Variants in ANKS1B observed in about 807,000 individuals in gnomAD.
ANKS1B encodes ankyrin repeat and sterile alpha motif domain containing 1B.
A neutral mutation model predicts 148.3 loss-of-function variants in ANKS1B; 36 were observed. The ratio of observed to expected loss-of-function variants is 0.24; its 90% CI spans 0.19 to 0.32. The LOEUF (loss-of-function observed/expected upper bound fraction) is 0.32. ANKS1B is among the 10% of genes least tolerant of loss of function. The pLI is 1.00. For synonymous variants in ANKS1B, 542 were observed against 560.8 expected (o/e 0.97, Z 0.47); for missense variants, 1,157 against 1,542.6 (o/e 0.75, Z 4.19).
intron 11 of ANKS1B, among the ~76,000 whole-genome samples, chr12:99,441,156 G>T (rs10459161): frequency 0.23 from 34,773 of 151,732 alleles, 4,706 homozygotes; most frequent in African/African-American, 0.37. Context: ...CATTTTCAGA[G>T]AGAAAACCAG....
chr12:99,403,295 T>G (rs2094455708), intron 11 of ANKS1B, among the ~76,000 whole-genome samples: 1 of 141,690 alleles, frequency 7.1e-6, no homozygotes, highest in Non-Finnish European at 1.5e-5. Flanking sequence ...TAGCTGGGAT[T>G]ACAGGCAAGC....
chr12:99,862,873 A>G (rs1284322779), intron 1 of ANKS1B, among the ~76,000 whole-genome samples: 1 of 152,220 alleles, frequency 6.6e-6, no homozygotes, highest in Non-Finnish European at 1.5e-5. Flanking sequence ...GGAAGCTGAC[A>G]TGGAGAAGGA....
intron 9 of ANKS1B, among the ~76,000 whole-genome samples, chr12:99,643,328 G>T (rs1344511145): frequency 2.0e-5 from 3 of 152,044 alleles, no homozygotes; most frequent in African/African-American, 7.2e-5. Flanking sequence ...TGTGAAACTG[G>T]AATAAAAAGT....
intron 17 of ANKS1B, among the ~76,000 whole-genome samples, chr12:98,857,746 T>C (rs649205): frequency 0.23 from 35,152 of 151,970 alleles, 4,589 homozygotes; most frequent in East Asian, 0.5. Context: ...GGTCAGTAAA[T>C]ATAATATTTC....
intron 17 of ANKS1B, among the ~76,000 whole-genome samples, chr12:98,849,553 T>G (rs2099510110): frequency 6.6e-6 from 1 of 152,188 alleles, no homozygotes; most frequent in African/African-American, 2.4e-5. Context: ...GTTTTTTGTT[T>G]CCTAAAAAAA....
At chr12:98,752,952 G>A (rs1290428305) in intron 25 of ANKS1B, among the ~76,000 whole-genome samples, 1 of 152,148 alleles carries the variant, frequency 6.6e-6, no homozygotes, top group Non-Finnish European at 1.5e-5. Flanking sequence ...AGAGGCATTA[G>A]TCATGCTGGT....
intron 8 of ANKS1B, among the ~76,000 whole-genome samples, chr12:99,677,383 CA>C (rs1425562444): frequency 6.6e-6 from 1 of 151,860 alleles, no homozygotes; most frequent in Non-Finnish European, 1.5e-5. Flanking sequence ...AAGAAAGTAG[CA>C]AATAATATAG....
chr12:99,039,594 T>C (rs1309566358), intron 17 of ANKS1B, among the ~76,000 whole-genome samples: 1 of 152,258 alleles, frequency 6.6e-6, no homozygotes, highest in Non-Finnish European at 1.5e-5. Context: ...CATCTGACTC[T>C]GAGTCCAGCC....
intron 17 of ANKS1B, among the ~76,000 whole-genome samples, chr12:98,988,284 G>A (rs1197337943): frequency 1.3e-5 from 2 of 151,990 alleles, no homozygotes; most frequent in African/African-American, 4.8e-5. Context: ...TTATCCCCTA[G>A]TAATCACCAT....
intron 19 of ANKS1B, among the ~76,000 whole-genome samples, chr12:98,828,161 A>G (rs757694033): frequency 7.2e-5 from 11 of 152,208 alleles, no homozygotes; most frequent in Non-Finnish European, 1.3e-4. Context: ...AAATTAAAGG[A>G]GCTGAAAGAA....
At chr12:99,801,007 G>A (rs539804219) in intron 4 of ANKS1B, among the ~76,000 whole-genome samples, 4 of 152,140 alleles carry the variant, frequency 2.6e-5, no homozygotes, top group African/African-American at 9.7e-5. Context: ...ATAGGGACAC[G>A]ATAGATTACA....
chr12:99,176,281 T>C (rs2078370998), intron 14 of ANKS1B, among the ~76,000 whole-genome samples: 1 of 152,170 alleles, frequency 6.6e-6, no homozygotes, highest in South Asian at 2.1e-4. Flanking sequence ...TTTGCCTCAT[T>C]TACAATGTTT....
Position 99,595,397 on chromosome 12 carries a change from T to C in ANKS1B, c.1272+59670A>G, listed in dbSNP as rs576915200. Among the ~76,000 whole-genome samples, 3 of 152,038 alleles carry C rather than the reference T, an allele frequency of 2.0e-5. No individual in the cohort carries two copies. The South Asian group carries it at 6.2e-4, about 32-fold the overall frequency. Reference sequence around the variant, plus strand: ...TTATTAGAAAATTGTGTGAAAATAGTATGAATTGTTCCAATTGCCTGTATA... The same window carrying C: ...TTATTAGAAAATTGTGTGAAAATAGCATGAATTGTTCCAATTGCCTGTATA... On this transcript the variant is annotated intron_variant, in intron 9 of 26. Transcript: ENST00000683438.
At chr12:99,012,898 AC>A in intron 17 of ANKS1B, among the ~76,000 whole-genome samples, 1 of 152,326 alleles carries the variant, frequency 6.6e-6, no homozygotes, top group South Asian at 2.1e-4. Context: ...AAAGAGCCCC[AC>A]AAAGGTCTTT....
chr12:98,964,427 C>A (rs1355024402), intron 17 of ANKS1B, among the ~76,000 whole-genome samples: 1 of 152,134 alleles, frequency 6.6e-6, no homozygotes, highest in Admixed American at 6.6e-5. Context: ...ATCATGTAAT[C>A]CAGTAATCCC....
intron 17 of ANKS1B, among the ~76,000 whole-genome samples, chr12:99,044,118 C>T (rs1598903458): frequency 2.0e-5 from 3 of 152,212 alleles, no homozygotes; most frequent in Admixed American, 2.0e-4. Flanking sequence ...ATTTTCTATA[C>T]TATATAATAA....
chr12:99,194,713 T>C (rs2081178349), intron 14 of ANKS1B, among the ~76,000 whole-genome samples: 1 of 152,174 alleles, frequency 6.6e-6, no homozygotes. Flanking sequence ...AAGCAATTAT[T>C]GTTTGATATT....
At chr12:99,969,603 C>T (rs1053778706) in intron 1 of ANKS1B, among the ~76,000 whole-genome samples, 2 of 152,052 alleles carry the variant, frequency 1.3e-5, no homozygotes, top group African/African-American at 4.8e-5. Context: ...AAATTTAAAG[C>T]AAAATACTGC....
chr12:99,487,124 G>A (rs752008143), intron 10 of ANKS1B, among the ~76,000 whole-genome samples: 2 of 152,190 alleles, frequency 1.3e-5, no homozygotes, highest in African/African-American at 2.4e-5. Flanking sequence ...CATATCAGCA[G>A]AAAGATCTGG....
Sources: gnomAD v4.1 joint callset for allele counts (sites outside exome capture counted in the v4.1 genomes callset) on GRCh38, gnomAD v4.1.1 for gene constraint, MANE v1.5 for transcripts, NCBI Gene and HGNC (gene_info 2026-07-23, HGNC 2026-07-21) for gene names.